VRK2: variants seen among roughly 807,000 people sequenced by gnomAD.
VRK2 encodes VRK serine/threonine kinase 2.
In VRK2, 60 loss-of-function variants were observed where a neutral mutation model predicts 57.6. The ratio of observed to expected loss-of-function variants is 1.04; its 90% CI spans 0.85 to 1.29. The LOEUF (loss-of-function observed/expected upper bound fraction) is 1.29. VRK2 is among the 50% of genes most tolerant of loss of function. The pLI is 0.00. For synonymous variants in VRK2, 231 were observed against 199.2 expected, an observed-to-expected ratio of 1.16 and a Z score of -1.35; for missense variants, 705 against 588.1, an observed-to-expected ratio of 1.20 and a Z score of -2.06.
chr2:58,082,732 A>G (rs180788132), intron 2 of VRK2, among the ~76,000 whole-genome samples: 225 of 151,988 alleles, frequency 1.5e-3, no homozygotes, highest in African/African-American at 5.3e-3. Flanking sequence ...GAAGGCGAAA[A>G]GATAATTTTA....
rs374668470 is a variant in VRK2, at chr2:58,134,809, T to A, written c.798-332T>A. Among the ~76,000 whole-genome samples, 47 of 152,272 alleles carry A rather than the reference T, an allele frequency of 3.1e-4. No individual in the cohort carries two copies. In the South Asian group the frequency reaches 9.1e-3, roughly 30 times the overall value. ...TTTCTCAAGTCGTGTCATATAAAAC[T>A]TTAATTAAATAAATTTGTTATACTT... is the stretch of plus-strand genomic sequence containing the variant. On this transcript the variant is annotated intron_variant, in intron 9 of 12. Transcript: ENST00000340157.
At chr2:58,121,698 A>C (rs1326914943) in intron 7 of VRK2, among the ~76,000 whole-genome samples, 1 of 152,208 alleles carries the variant, frequency 6.6e-6, no homozygotes, top group East Asian at 1.9e-4. Context: ...CTCTTAATAG[A>C]TACATTTTAA....
chr2:58,086,386 C>G lies in VRK2; in HGVS notation c.304C>G (p.Leu102Val). The G allele has an allele frequency of 6.2e-7, 1 of 1,604,428 alleles. No homozygotes were observed. The highest frequency in any genetic ancestry group is 2.3e-5 in the East Asian group (1 of 44,258). Residue 102 changes from leucine (L) to valine (V), a missense_variant, in exon 5 of 13, where the codon CTG becomes GTG. Coordinates refer to ENST00000340157, the MANE Select transcript of VRK2 (RefSeq NM_006296.7). ...RKQLDYLGIP[L>V]FYGSGLTEFK... Reference sequence around the variant, plus strand: ...ACAACTTGATTATTTAGGAATTCCTCTGTTTTATGGATCTGGTCTGACTGA... The same window carrying G: ...ACAACTTGATTATTTAGGAATTCCTGTGTTTTATGGATCTGGTCTGACTGA...
chr2:57,918,362 A>T (rs1202540209), intron 1 of VRK2, among the ~76,000 whole-genome samples: 5 of 151,912 alleles, frequency 3.3e-5, no homozygotes, highest in African/African-American at 1.2e-4. Context: ...TTTTTGAAAA[A>T]TCCTACTTTG....
intron 1 of VRK2, among the ~76,000 whole-genome samples, chr2:57,930,721 A>C (rs748165995): frequency 6.6e-6 from 1 of 152,128 alleles, no homozygotes; most frequent in Non-Finnish European, 1.5e-5. Flanking sequence ...GCTTATACCC[A>C]TGGACCAGCA....
intron 8 of VRK2, among the ~76,000 whole-genome samples, chr2:58,125,869 G>A (rs767540317): frequency 2.0e-5 from 3 of 151,950 alleles, no homozygotes; most frequent in South Asian, 2.1e-4. Context: ...ATCCTCAAAT[G>A]TCTGAATACT....
At chr2:58,084,556 A>G (rs762176965) in intron 3 of VRK2, among the ~76,000 whole-genome samples, 1 of 151,890 alleles carries the variant, frequency 6.6e-6, no homozygotes, top group African/African-American at 2.4e-5. Context: ...ACCTGGATGT[A>G]TATGTTGGTA....
At chr2:57,958,550 G>A (rs1016316807) in intron 1 of VRK2, among the ~76,000 whole-genome samples, 1 of 151,536 alleles carries the variant, frequency 6.6e-6, no homozygotes, top group Non-Finnish European at 1.5e-5. Context: ...GACTCGAAAC[G>A]ATGTTGTTTT....
At chr2:58,095,473 C>G (rs949569840) in intron 7 of VRK2, among the ~76,000 whole-genome samples, 5 of 152,024 alleles carry the variant, frequency 3.3e-5, no homozygotes, top group Non-Finnish European at 5.9e-5. Flanking sequence ...AAGCTTTCCT[C>G]TTACTAGTTT....
At chr2:57,952,036 G>A (rs865896518) in intron 1 of VRK2, among the ~76,000 whole-genome samples, 54 of 150,054 alleles carry the variant, frequency 3.6e-4, no homozygotes, top group African/African-American at 1.3e-3. Flanking sequence ...TGAGATTACT[G>A]ATGTGAACCA....
intron 2 of VRK2, among the ~76,000 whole-genome samples, chr2:58,054,468 C>A (rs1290728054): frequency 6.6e-6 from 1 of 151,660 alleles, no homozygotes; most frequent in Non-Finnish European, 1.5e-5. Context: ...TATTGCCACA[C>A]AATAAAAGAA....
intron 3 of VRK2, among the ~76,000 whole-genome samples, chr2:58,036,470 A>T (rs534311083): frequency 1.1e-4 from 17 of 152,174 alleles, no homozygotes; most frequent in South Asian, 1.0e-3. Context: ...ATAGGTAAAA[A>T]GTACCATAGG....
At chr2:58,039,729 A>T (rs1354251989) in intron 3 of VRK2, among the ~76,000 whole-genome samples, 1 of 152,134 alleles carries the variant, frequency 6.6e-6, no homozygotes, top group Non-Finnish European at 1.5e-5. Flanking sequence ...ATAACTGTGG[A>T]AAGCATATAA....
intron 1 of VRK2, among the ~76,000 whole-genome samples, chr2:57,960,132 G>A (rs1337421454): frequency 2.0e-5 from 3 of 152,068 alleles, no homozygotes. Context: ...TGATATAAAT[G>A]CTTCCGTGCC....
chr2:58,150,634 TTC>T (rs1362053090), intron 12 of VRK2, among the ~76,000 whole-genome samples: 46 of 151,114 alleles, frequency 3.0e-4, no homozygotes, highest in Admixed American at 9.9e-4. Context: ...TTGATATGTT[TTC>T]TGTTTCACTA....
chr2:57,909,718 T>C (rs1345486990), intron 1 of VRK2, among the ~76,000 whole-genome samples: 1 of 152,210 alleles, frequency 6.6e-6, no homozygotes, highest in African/African-American at 2.4e-5. Flanking sequence ...TAGCAATGCC[T>C]GAAATATTAA....
Position 57,940,959 on chromosome 2 carries a change from C to T in VRK2, c.-439+33120C>T, listed in dbSNP as rs533390648. Among the ~76,000 whole-genome samples, 4 of 151,740 alleles carry T rather than the reference C, an allele frequency of 2.6e-5. No homozygotes were observed. In the South Asian group the frequency reaches 8.3e-4, roughly 32 times the overall value. On this transcript the variant is annotated intron_variant, in intron 1 of 15. Coordinates refer to the VRK2 transcript ENST00000417641. ...TAACATTTTACACAATGTATTATTA[C>T]AGATCTTAGAGAGTAACACAAGAAT...
At position 58,159,815 on chromosome 2, in the gene VRK2, CATATTTTAACAAAGTTTGT is replaced by C. The variant is rs760337641; in HGVS notation, c.*123_*141del. ...AAGGTAATTGGCTTTAAAAAGAGAA[CATATTTTAACAAAGTTTGT>C]GGACACTCTAAAAAATAAAATTGCT... On this transcript the variant is annotated 3_prime_UTR_variant, in exon 13 of 13. Coordinates refer to ENST00000340157, the MANE Select transcript of VRK2 (RefSeq NM_006296.7). The C allele has an allele frequency of 1.9e-6, 3 of 1,611,628 alleles. No homozygotes were observed. The highest frequency in any genetic ancestry group is 2.5e-6 in the Non-Finnish European group (3 of 1,179,202).
chr2:57,933,925 T>C (rs1347090668), intron 1 of VRK2, among the ~76,000 whole-genome samples: 2 of 152,184 alleles, frequency 1.3e-5, no homozygotes, highest in Non-Finnish European at 2.9e-5. Flanking sequence ...GTTTGTTTGT[T>C]TTGTGACCAT....
Sources: gnomAD v4.1 joint callset for allele counts (sites outside exome capture counted in the v4.1 genomes callset) on GRCh38, gnomAD v4.1.1 for gene constraint, MANE v1.5 for transcripts, NCBI Gene and HGNC (gene_info 2026-07-23, HGNC 2026-07-21) for gene names.